The following ACAN variants were observed in gnomAD, a reference collection of about 807,000 sequenced individuals.
The protein encoded by ACAN is aggrecan.
Under a neutral mutation model 169.1 loss-of-function variants are expected in ACAN, and 47 were observed. That is an observed-to-expected ratio of 0.28 (90% CI 0.22 to 0.35). ACAN has a LOEUF of 0.35. ACAN is among the 10% of genes least tolerant of loss of function. ACAN has a pLI of 1.00. For missense variants in ACAN, 2,716 were observed against 2,759.9 expected (o/e 0.98, Z 0.36); for synonymous variants, 1,115 against 1,112.2 (o/e 1.00, Z -0.05).
In ACAN at chr15:88,870,083, G is replaced by C. The variant is rs1274039364; in HGVS notation, c.7061-1299G>C. ...TTTCCAGACTGCAGCCTCACCCCTTGGGGAAGGCATTCATAGCTGAGGCAC... is the reference window on the plus strand; with the variant it reads ...TTTCCAGACTGCAGCCTCACCCCTTCGGGAAGGCATTCATAGCTGAGGCAC... On this transcript the variant is annotated intron_variant, in intron 14 of 18. Coordinates refer to ENST00000560601, the MANE Select transcript of ACAN (RefSeq NM_001369268.1). The surrounding 1 kb of genome is among the most constrained non-coding windows in gnomAD (Gnocchi z 6.3). Among the ~76,000 whole-genome samples, 1 of 152,140 alleles carries C rather than the reference G, an allele frequency of 6.6e-6. No individual in the cohort carries two copies. Among genetic ancestry groups the C allele is most frequent in the Non-Finnish European group, 1.5e-5 (1 of 68,044 alleles).
At chr15:88,822,722 C>T (rs868184118) in intron 1 of ACAN, among the ~76,000 whole-genome samples, 2 of 152,270 alleles carry the variant, frequency 1.3e-5, no homozygotes, top group African/African-American at 2.4e-5. Flanking sequence ...GCGTGAGCCA[C>T]CACGCCTGGC....
At chr15:88,848,102 G>C in intron 9 of ACAN, 64 bp downstream of exon 9, 1 of 1,586,750 alleles carries the variant, frequency 6.3e-7, no homozygotes, top group African/African-American at 1.3e-5. Context: ...GAGCTGACAG[G>C]GCGATACAAA....
chr15:88,849,544 C>G lies in ACAN; in HGVS notation c.1839C>G (p.Ala613=), dbSNP rs188044698. The change falls in exon 10 of 19, where the codon GCC becomes GCG. Residue 613 remains alanine, a synonymous_variant. Coordinates refer to ENST00000560601, the MANE Select transcript of ACAN (RefSeq NM_001369268.1). This position sits in a 1 kb window ranked among gnomAD's most constrained non-coding sequence, Gnocchi z 5.1. The stretch of plus-strand genomic sequence containing the variant: ...TGGCCACCACGGGCCAGCTCTACGC[C>G]GCCTGGAGCCGCGGCCTGGACAAGT... The part of the protein sequence containing the change: ...ATLATTGQLY[A]AWSRGLDKCY... 7 of 1,604,936 alleles carry G rather than the reference C, an allele frequency of 4.4e-6. No homozygotes were observed. The South Asian group carries it at 7.8e-5, about 18-fold the overall frequency.
At chr15:88,812,790 A>G (rs1012210973) in intron 1 of ACAN, among the ~76,000 whole-genome samples, 21 of 151,960 alleles carry the variant, frequency 1.4e-4, no homozygotes, top group Middle Eastern at 3.4e-3. Context: ...TTCCTTGGTG[A>G]TTCTCTGCCC....
chr15:88,874,339 G>A lies in ACAN; in HGVS notation c.7631-66G>A, dbSNP rs1010397538. 17 of 1,441,706 alleles carry A rather than the reference G, an allele frequency of 1.2e-5. No homozygotes were observed. The African/African-American group carries it at 1.6e-4, about 13-fold the overall frequency. The allele number at this position is 1,441,706 out of a possible 1,614,324, so 89.3% of individuals were successfully genotyped here. ...CAAGGGAGAGAGGGTAGTCTGGGGA[G>A]AGCCTGGGCTCGCCCCACTTTCTTT... On this transcript the variant is annotated intron_variant, in intron 18 of 18. Transcript: ENST00000560601. This position sits in a 1 kb window ranked among gnomAD's most constrained non-coding sequence, Gnocchi z 7.3.
intron 1 of ACAN, among the ~76,000 whole-genome samples, chr15:88,808,114 G>A (rs928518676): frequency 1.8e-4 from 27 of 152,158 alleles, no homozygotes; most frequent in Non-Finnish European, 3.2e-4. Flanking sequence ...ACAGGACATG[G>A]CAGATCTGCA....
rs998187507 is a variant in ACAN, at chr15:88,839,319, G to A, written c.454+273G>A. On this transcript the variant is annotated intron_variant, in intron 3 of 18. Coordinates refer to ENST00000560601, the MANE Select transcript of ACAN (RefSeq NM_001369268.1). This position sits in a 1 kb window ranked among gnomAD's most constrained non-coding sequence, Gnocchi z 4.5. ...CTGTGATCCGGTGGGTCTTGTGATC[G>A]TGCCCATTTTACAGACAAGCAAACT... Among the ~76,000 whole-genome samples the A allele has an allele frequency of 6.6e-6, 1 of 152,156 alleles. No individual in the cohort carries two copies. The highest frequency in any genetic ancestry group is 6.5e-5 in the Admixed American group (1 of 15,284).
chr15:88,831,527 C>G (rs921592176), intron 1 of ACAN, among the ~76,000 whole-genome samples: 1 of 152,246 alleles, frequency 6.6e-6, no homozygotes, highest in African/African-American at 2.4e-5. Flanking sequence ...TCCATTCATT[C>G]ATTCAGCAAT....
chr15:88,872,835 G>A lies in ACAN; in HGVS notation c.7303-46G>A, dbSNP rs151078500. On this transcript the variant is annotated intron_variant, in intron 16 of 18. Coordinates refer to ENST00000560601, the MANE Select transcript of ACAN (RefSeq NM_001369268.1). This position sits in a 1 kb window ranked among gnomAD's most constrained non-coding sequence, Gnocchi z 5.4. The stretch of plus-strand genomic sequence containing the variant: ...GAAGACAGTCGGAGCAGGCCAACCC[G>A]CACTGTCCTGCCCTCTCCTTACTCC... 326 of 1,605,732 alleles carry A rather than the reference G, an allele frequency of 2.0e-4. No individual in the cohort carries two copies. In the African/African-American group the frequency reaches 3.3e-3, roughly 16 times the overall value.
chr15:88,828,989 C>T (rs1185052857), intron 1 of ACAN, among the ~76,000 whole-genome samples: 1 of 152,170 alleles, frequency 6.6e-6, no homozygotes, highest in East Asian at 1.9e-4. Context: ...CAGAGCTGCT[C>T]AAGGCCAATC....
Position 88,858,516 on chromosome 15 carries a change from G to A in ACAN, c.5931G>A (p.Glu1977=), listed in dbSNP as rs200212015. 6.2e-7 allele frequency: 1 copy of A among 1,613,898 alleles called. No homozygotes were observed. The highest frequency in any genetic ancestry group is 1.3e-5 in the African/African-American group (1 of 75,068). The part of the protein sequence containing the change: ...AHSGAPDMSG[E]HSGFLDLSGL... The stretch of plus-strand genomic sequence containing the variant: ...CTGGAGCACCAGACATGTCTGGGGA[G>A]CATTCTGGATTTCTGGACCTAAGTG... The change falls in exon 12 of 19, where the codon GAG becomes GAA. Residue 1977 remains glutamate (E), a synonymous_variant. Transcript: ENST00000560601. This position sits in a 1 kb window ranked among gnomAD's most constrained non-coding sequence, Gnocchi z 4.0.
chr15:88,842,212 T>G (rs1350380638), intron 5 of ACAN, among the ~76,000 whole-genome samples: 2 of 152,138 alleles, frequency 1.3e-5, no homozygotes, highest in Non-Finnish European at 2.9e-5. Context: ...TCCACCATGC[T>G]GTCAAAGTCC....
At position 88,858,958 on chromosome 15, in the gene ACAN, G is replaced by A. The variant is rs1897131742; in HGVS notation, c.6373G>A (p.Gly2125Arg). The stretch of plus-strand genomic sequence containing the variant: ...CCCTGAGGCCAGCAGAGAAGATTCT[G>A]GGTCCCCTGATCTGAGTGAAACCAC... ...AAPEASREDS[G>R]SPDLSETTSA... Residue 2125 changes from glycine (G) to arginine (R), a missense_variant, in exon 12 of 19, where the codon GGG becomes AGG. Coordinates refer to ENST00000560601, the MANE Select transcript of ACAN (RefSeq NM_001369268.1). This position sits in a 1 kb window ranked among gnomAD's most constrained non-coding sequence, Gnocchi z 4.0. 6.2e-7 allele frequency: 1 copy of A among 1,612,254 alleles called. No homozygotes were observed. Among genetic ancestry groups the A allele is most frequent in the African/African-American group, 1.3e-5 (1 of 74,878 alleles).
chr15:88,843,232 G>GAC lies in ACAN; in HGVS notation c.758-122_758-121dup. ...CAAGATCTGAGATGCAGACATATGG[G>GAC]ACCAGGACTTTGGGAAGTTAAAGGA... On this transcript the variant is annotated intron_variant, in intron 5 of 18. Transcript: ENST00000560601. This position sits in a 1 kb window ranked among gnomAD's most constrained non-coding sequence, Gnocchi z 4.0. The GAC allele has an allele frequency of 1.1e-6, 1 of 873,416 alleles. No homozygotes were observed. Among genetic ancestry groups the GAC allele is most frequent in the East Asian group, 2.8e-5 (1 of 36,142 alleles). 54.1% of individuals were successfully genotyped at this position (873,416 alleles called of 1,614,324 possible). A position where few individuals can be genotyped will look rare whatever the true frequency, so the allele number is the denominator to read the frequency against.
At chr15:88,867,665 T>G (rs563612393) in intron 13 of ACAN, among the ~76,000 whole-genome samples, 1 of 141,600 alleles carries the variant, frequency 7.1e-6, no homozygotes, top group South Asian at 2.3e-4. Flanking sequence ...CATGCTGCCA[T>G]TTTCATATGG....
At chr15:88,821,155 T>G (rs569583875) in intron 1 of ACAN, among the ~76,000 whole-genome samples, 51 of 152,290 alleles carry the variant, frequency 3.3e-4, no homozygotes, top group African/African-American at 1.2e-3. Context: ...GAACTACAAC[T>G]GAAAATGAGA....
At chr15:88,816,826 A>C (rs1408063050) in intron 1 of ACAN, among the ~76,000 whole-genome samples, 1 of 152,206 alleles carries the variant, frequency 6.6e-6, no homozygotes, top group East Asian at 1.9e-4. Context: ...CTTCATATGG[A>C]TTCCTTCAGC....
chr15:88,845,466 A>G (rs760749963), intron 6 of ACAN, 39 bp from the exon 7 acceptor site: 1 of 1,559,500 alleles, frequency 6.4e-7, no homozygotes, highest in South Asian at 1.2e-5. Context: ...AGCCGGTCCC[A>G]GGCTGAGAGG....
chr15:88,865,763 T>C (rs577473109), intron 13 of ACAN, among the ~76,000 whole-genome samples: 4 of 152,262 alleles, frequency 2.6e-5, no homozygotes, highest in African/African-American at 9.6e-5. Flanking sequence ...ATGTCCTAAT[T>C]GCCCTTCTCA....
Sources: allele counts gnomAD v4.1 joint callset (sites outside exome capture counted in the v4.1 genomes callset), GRCh38; gene constraint gnomAD v4.1.1; non-coding constraint Gnocchi (gnomAD v3.1); transcripts MANE v1.5; gene names NCBI Gene and HGNC (gene_info 2026-07-23, HGNC 2026-07-21).